The following MACO1 variants were observed in gnomAD, a reference collection of about 807,000 sequenced individuals.
MACO1 encodes the protein macoilin.
A neutral mutation model predicts 78.7 loss-of-function variants in MACO1; 14 were observed. That is an observed-to-expected ratio of 0.18 (90% CI 0.12 to 0.28). MACO1 has a LOEUF of 0.28. MACO1 is among the 10% of genes least tolerant of loss of function. The pLI, the probability that MACO1 is intolerant of heterozygous loss-of-function variation, is 1.00. For synonymous variants in MACO1, 288 were observed against 291.6 expected (o/e 0.99, Z 0.12); for missense variants, 501 against 799.0 (o/e 0.63, Z 4.50).
intron 6 of MACO1, among the ~76,000 whole-genome samples, chr1:25,467,181 C>G (rs867783563): frequency 1.2e-4 from 19 of 152,222 alleles, no homozygotes; most frequent in African/African-American, 4.3e-4. Context: ...TCGCTTGAAC[C>G]CAAGCAGCAG....
At position 25,485,064 on chromosome 1, in the gene MACO1, T is replaced by C. The variant is rs115864895; in HGVS notation, c.1314-549T>C. ...TAGTAAGCAGGAAATATGGCTGAAATTTCTATCTGAAATTAAGCATCCTGT... is the reference window on the plus strand; with the variant it reads ...TAGTAAGCAGGAAATATGGCTGAAACTTCTATCTGAAATTAAGCATCCTGT... On this transcript the variant is annotated intron_variant, in intron 7 of 10. Coordinates refer to ENST00000374343, the MANE Select transcript of MACO1 (RefSeq NM_018202.6). This position sits in a 1 kb window ranked among gnomAD's most constrained non-coding sequence, Gnocchi z 4.3. 7.3e-3 allele frequency among the ~76,000 whole-genome samples: 1,106 copies of C among 152,268 alleles called. 11 individuals carry two copies. The highest frequency in any genetic ancestry group is 0.025 in the African/African-American group (1,037 of 41,542).
At chr1:25,459,870 C>T (rs1361745081) in intron 6 of MACO1, among the ~76,000 whole-genome samples, 2 of 152,052 alleles carry the variant, frequency 1.3e-5, no homozygotes, top group African/African-American at 4.8e-5. Context: ...CAAATATGTT[C>T]CTTTCACCTC....
intron 4 of MACO1, among the ~76,000 whole-genome samples, chr1:25,455,444 A>T (rs1315686821): frequency 6.6e-6 from 1 of 152,210 alleles, no homozygotes; most frequent in South Asian, 2.1e-4. Flanking sequence ...CAGTATTTTT[A>T]GTCTTTTTAC....
chr1:25,436,778 T>C (rs975990538), intron 1 of MACO1, among the ~76,000 whole-genome samples: 6 of 152,214 alleles, frequency 3.9e-5, no homozygotes. Flanking sequence ...TCTCAGCTGA[T>C]GAGCCTTCCA....
rs1394354799 is a variant in MACO1 at position 25,485,464 on chromosome 1, T to G, written c.1314-149T>G. ...AATTATTAAAGAATAACAGTGTGTT[T>G]TCCTCAGGCATTCTGGGCATTGACA... On this transcript the variant is annotated intron_variant, in intron 7 of 10. Coordinates refer to ENST00000374343, the MANE Select transcript of MACO1 (RefSeq NM_018202.6). This position sits in a 1 kb window ranked among gnomAD's most constrained non-coding sequence, Gnocchi z 4.3. The G allele has an allele frequency of 2.7e-6, 2 of 736,484 alleles. No homozygotes were observed. The highest frequency in any genetic ancestry group is 5.3e-5 in the East Asian group (2 of 37,490). The allele number at this position is 736,484 out of a possible 1,614,324, so 45.6% of individuals were successfully genotyped here.
At chr1:25,431,215 C>G (rs1226831629) in intron 1 of MACO1, 37 bp downstream of exon 1, 6 of 1,531,492 alleles carry the variant, frequency 3.9e-6, no homozygotes, top group Non-Finnish European at 5.3e-6. Flanking sequence ...GGCGCGGGCC[C>G]TGCGGTCCCC....
At chr1:25,497,176 T>C (rs1378134323) in intron 10 of MACO1, among the ~76,000 whole-genome samples, 2 of 151,756 alleles carry the variant, frequency 1.3e-5, no homozygotes, top group Non-Finnish European at 2.9e-5. Flanking sequence ...AGGTTGGGAG[T>C]TCGAGACCAG....
At chr1:25,459,843 C>G (rs1245472532) in intron 6 of MACO1, among the ~76,000 whole-genome samples, 3 of 152,130 alleles carry the variant, frequency 2.0e-5, no homozygotes, top group Non-Finnish European at 4.4e-5. Flanking sequence ...TTTTATATGG[C>G]TTATGTTAGG....
chr1:25,442,036 T>C (rs2042977803), intron 1 of MACO1, among the ~76,000 whole-genome samples: 1 of 152,214 alleles, frequency 6.6e-6, no homozygotes, highest in Non-Finnish European at 1.5e-5. Flanking sequence ...AAAATTTGAT[T>C]GTATGCGCAA....
At chr1:25,444,185 G>C (rs1416338851) in intron 1 of MACO1, among the ~76,000 whole-genome samples, 1 of 151,254 alleles carries the variant, frequency 6.6e-6, no homozygotes, top group Non-Finnish European at 1.5e-5. Context: ...CTTGAACCCG[G>C]GAAGTGGAGG....
intron 6 of MACO1, among the ~76,000 whole-genome samples, chr1:25,477,345 T>C (rs1026566005): frequency 2.6e-5 from 4 of 151,710 alleles, no homozygotes; most frequent in South Asian, 2.1e-4. Flanking sequence ...TGGGTCATTT[T>C]GGCTGATGTG....
At position 25,485,507 on chromosome 1, in the gene MACO1, A is replaced by T; in HGVS notation, c.1314-106A>T. 1 of 1,205,294 alleles carries T rather than the reference A, an allele frequency of 8.3e-7. No individual in the cohort carries two copies. Among genetic ancestry groups the T allele is most frequent in the Non-Finnish European group, 1.2e-6 (1 of 868,410 alleles). 74.7% of individuals were successfully genotyped at this position (1,205,294 alleles called of 1,614,324 possible). A position where few individuals can be genotyped will look rare whatever the true frequency, so the allele number is the denominator to read the frequency against. ...CATTGACATTTTTGATTTGCTGTTCAAACCTCCTGTTTAATTGGCCTTAAG... is the reference window on the plus strand; with the variant it reads ...CATTGACATTTTTGATTTGCTGTTCTAACCTCCTGTTTAATTGGCCTTAAG... On this transcript the variant is annotated intron_variant, in intron 7 of 10. Coordinates refer to ENST00000374343, the MANE Select transcript of MACO1 (RefSeq NM_018202.6). This position sits in a 1 kb window ranked among gnomAD's most constrained non-coding sequence, Gnocchi z 4.3.
In MACO1 at chr1:25,435,489, A is replaced by G. The variant is rs1231864761; in HGVS notation, c.80+4311A>G. Among the ~76,000 whole-genome samples, 13 of 152,256 alleles carry G rather than the reference A, an allele frequency of 8.5e-5. No homozygotes were observed. The East Asian group carries it at 2.5e-3, about 29-fold the overall frequency. On this transcript the variant is annotated intron_variant, in intron 1 of 10. Transcript: ENST00000374343. ...TTTCCTTTTTCAGACCCTTGTCTAC[A>G]TCTGATCTCCAGAGGTTTCATTTGA...
At chr1:25,474,779 C>G (rs140894031) in intron 6 of MACO1, among the ~76,000 whole-genome samples, 1 of 152,306 alleles carries the variant, frequency 6.6e-6, no homozygotes, top group East Asian at 1.9e-4. Flanking sequence ...CACCAAAACT[C>G]AGGATGTGGG....
chr1:25,442,718 G>GA (rs36055238), intron 1 of MACO1, among the ~76,000 whole-genome samples: 86,407 of 151,796 alleles, frequency 0.57, 25,525 homozygotes, highest in African/African-American at 0.71. Flanking sequence ...AGAATGGGGG[G>GA]AAACCTTATA....
chr1:25,459,248 C>A (rs1168935915), intron 6 of MACO1, among the ~76,000 whole-genome samples: 1 of 151,522 alleles, frequency 6.6e-6, no homozygotes, highest in African/African-American at 2.4e-5. Flanking sequence ...TGTGCTTGTT[C>A]ACGCAAATCT....
intron 3 of MACO1, among the ~76,000 whole-genome samples, chr1:25,449,492 C>T (rs2043045681): frequency 6.6e-6 from 1 of 152,040 alleles, no homozygotes; most frequent in Non-Finnish European, 1.5e-5. Flanking sequence ...AATTTTGACC[C>T]AGTATGTCTT....
At chr1:25,468,024 T>C (rs1360165388) in intron 6 of MACO1, among the ~76,000 whole-genome samples, 1 of 152,180 alleles carries the variant, frequency 6.6e-6, no homozygotes, top group Non-Finnish European at 1.5e-5. Flanking sequence ...ACAACTAACA[T>C]TGGCCCAAGG....
At chr1:25,446,675 T>A (rs776753888) in intron 1 of MACO1, 87 bp from the exon 2 acceptor site, 1 of 1,319,378 alleles carries the variant, frequency 7.6e-7, no homozygotes, top group Admixed American at 2.6e-5. Context: ...GGTATTTTTT[T>A]GTCGTTTTAA....
Sources: allele counts gnomAD v4.1 joint callset (sites outside exome capture counted in the v4.1 genomes callset), GRCh38; gene constraint gnomAD v4.1.1; non-coding constraint Gnocchi (gnomAD v3.1); transcripts MANE v1.5; gene names NCBI Gene and HGNC (gene_info 2026-07-23, HGNC 2026-07-21).